ASMTL: variants seen among roughly 807,000 people sequenced by gnomAD.
ASMTL encodes acetylserotonin O-methyltransferase like.
In ASMTL, 57 loss-of-function variants were observed where a neutral mutation model predicts 60.3. The ratio of observed to expected loss-of-function variants is 0.95; its 90% CI spans 0.76 to 1.18. The LOEUF (loss-of-function observed/expected upper bound fraction) is 1.18, where lower values mean the gene tolerates loss of function less well. Ranked by LOEUF, ASMTL falls within the 50% of genes most tolerant of loss-of-function variation. The probability of loss-of-function intolerance (pLI) is 0.00; values close to 1 mark genes in which losing one functional copy is unlikely to be tolerated. For missense variants in ASMTL, 981 were observed against 852.6 expected, an observed-to-expected ratio of 1.15 and a Z score of -1.88; for synonymous variants, 419 against 373.0, an observed-to-expected ratio of 1.12 and a Z score of -1.42.
intron 6 of ASMTL, 166 bp downstream of exon 6, chrX:1,432,103 T>C (rs767346912): frequency 3.2e-6 from 2 of 625,860 alleles, no homozygotes; most frequent in Non-Finnish European, 5.7e-6. Flanking sequence ...TGGGTCAGTG[T>C]GGTCGTGAAG....
chrX:1,421,914 T>C, intron 8 of ASMTL, 72 bp from the exon 9 acceptor site: 2 of 1,413,662 alleles, frequency 1.4e-6, no homozygotes, highest in Non-Finnish European at 2.0e-6. Flanking sequence ...AGGGGATGTA[T>C]CATTGAGATG....
chrX:1,435,731 G>A lies in ASMTL; in HGVS notation c.301C>T (p.Pro101Ser). The change falls in exon 4 of 13, where the codon CCG becomes TCG. Residue 101 changes from proline (P) to serine (S), a missense_variant. Coordinates refer to ENST00000381317, the MANE Select transcript of ASMTL (RefSeq NM_004192.4). ...VTVGGLILEKPVDKQDAYRML... is the reference protein window; with the variant it reads ...VTVGGLILEKSVDKQDAYRML... ...CTGTAGGCGTCCTGCTTGTCCACCG[G>A]CTTCTCCAGAATCAGCCCCCCGACT... 1 of 1,613,556 alleles carries A rather than the reference G, an allele frequency of 6.2e-7. No individual in the cohort carries two copies. The highest frequency in any genetic ancestry group is 8.5e-7 in the Non-Finnish European group (1 of 1,179,788).
chrX:1,416,845 G>GCA (rs1204272663), intron 11 of ASMTL, among the ~76,000 whole-genome samples: 12 of 144,854 alleles, frequency 8.3e-5, no homozygotes, highest in Non-Finnish European at 1.7e-4. Flanking sequence ...ACACAGACAT[G>GCA]CACACACAGA....
chrX:1,452,857 GCCGGGCGT>G lies in ASMTL; in HGVS notation c.-25_-18del. 2 of 1,547,862 alleles carry G rather than the reference GCCGGGCGT, an allele frequency of 1.3e-6. No individual in the cohort carries two copies. Among genetic ancestry groups the G allele is most frequent in the Non-Finnish European group, 1.7e-6 (2 of 1,154,988 alleles). ...CAGCACCATGGCGTCCACGCCGGGAGCCGGGCGTCCGCACTTCTGAGCCCGGAGCCCGC... is the reference window on the plus strand; with the variant it reads ...CAGCACCATGGCGTCCACGCCGGGAGCCGCACTTCTGAGCCCGGAGCCCGC... On this transcript the variant is annotated 5_prime_UTR_variant, in exon 1 of 13. Coordinates refer to ENST00000381317, the MANE Select transcript of ASMTL (RefSeq NM_004192.4).
At chrX:1,447,339 C>A (rs1220934235) in intron 1 of ASMTL, among the ~76,000 whole-genome samples, 14 of 152,126 alleles carry the variant, frequency 9.2e-5, no homozygotes, top group Non-Finnish European at 1.9e-4. Flanking sequence ...GGATAAGCAC[C>A]ACCATCTTGG....
In ASMTL at chrX:1,442,037, A is replaced by C. The variant is rs1177459363; in HGVS notation, c.225+149T>G. Reference sequence around the variant, plus strand: ...TATTATTAGGTTACTGCAATAGTGCATTACATTATAACATAGCAATAGCTA... The same window carrying C: ...TATTATTAGGTTACTGCAATAGTGCCTTACATTATAACATAGCAATAGCTA... On this transcript the variant is annotated intron_variant, in intron 2 of 12. Coordinates refer to ENST00000381317, the MANE Select transcript of ASMTL (RefSeq NM_004192.4). 5.1e-5 allele frequency: 43 copies of C among 837,772 alleles called. No individual in the cohort carries two copies. The East Asian group carries it at 8.3e-4, about 16-fold the overall frequency. The allele number at this position is 837,772 out of a possible 1,614,324, so 51.9% of individuals were successfully genotyped here. A position where few individuals can be genotyped will look rare whatever the true frequency, so the allele number is the denominator to read the frequency against.
rs757264424 is a variant in ASMTL, at chrX:1,414,227, G to C, written c.1523-1373C>G. Reference sequence around the variant, plus strand: ...GAGAGGCAGGAAGGATCCTCCCCTAGAGCCTCCAGAGGGAGCACAGCCCTG... The same window carrying C: ...GAGAGGCAGGAAGGATCCTCCCCTACAGCCTCCAGAGGGAGCACAGCCCTG... On this transcript the variant is annotated intron_variant, in intron 11 of 12. Transcript: ENST00000381317. 2.5e-3 allele frequency among the ~76,000 whole-genome samples: 377 copies of C among 152,270 alleles called. 2 individuals are homozygous for C. The highest frequency in any genetic ancestry group is 8.0e-3 in the African/African-American group (334 of 41,544).
chrX:1,403,853 GTA>G (rs1470419168), intron 12 of ASMTL, among the ~76,000 whole-genome samples: 1 of 152,128 alleles, frequency 6.6e-6, no homozygotes, highest in African/African-American at 2.4e-5. Flanking sequence ...TGAACAGATG[GTA>G]AGTGATGGGG....
At chrX:1,433,387 C>G (rs1229614313) in intron 5 of ASMTL, among the ~76,000 whole-genome samples, 1 of 146,386 alleles carries the variant, frequency 6.8e-6, no homozygotes, top group Non-Finnish European at 1.5e-5. Flanking sequence ...CAGAAGGGAC[C>G]GCGCGCGGTG....
intron 12 of ASMTL, among the ~76,000 whole-genome samples, chrX:1,411,125 G>A (rs760881084): frequency 9.9e-5 from 15 of 151,958 alleles, no homozygotes; most frequent in Non-Finnish European, 1.8e-4. Flanking sequence ...TGGAGGTTAC[G>A]GAGAGCCAAG....
chrX:1,419,507 C>T (rs1399979975), intron 9 of ASMTL, among the ~76,000 whole-genome samples: 1 of 152,106 alleles, frequency 6.6e-6, no homozygotes, highest in African/African-American at 2.4e-5. Flanking sequence ...CCCGGCTCAG[C>T]CTTCACCACA....
At chrX:1,428,669 AATT>A in intron 6 of ASMTL, among the ~76,000 whole-genome samples, 1 of 150,394 alleles carries the variant, frequency 6.6e-6, no homozygotes, top group Non-Finnish European at 1.5e-5. Flanking sequence ...AAATAAATAA[AATT>A]TCATGTGTTA....
chrX:1,415,004 G>T (rs1414269603), intron 11 of ASMTL, among the ~76,000 whole-genome samples: 1 of 151,882 alleles, frequency 6.6e-6, no homozygotes, highest in Non-Finnish European at 1.5e-5. Context: ...GCAGTGGCGC[G>T]ATCTCGGCTC....
At chrX:1,405,655 A>G (rs1163812584) in intron 12 of ASMTL, among the ~76,000 whole-genome samples, 1 of 150,228 alleles carries the variant, frequency 6.7e-6, no homozygotes, top group Non-Finnish European at 1.5e-5. Flanking sequence ...CATGGATGAG[A>G]TGGATGGATG....
intron 2 of ASMTL, among the ~76,000 whole-genome samples, chrX:1,440,077 ATTTC>A (rs200154057): frequency 0.11 from 15,450 of 146,522 alleles, 767 homozygotes; most frequent in African/African-American, 0.14. Flanking sequence ...CCTCTAATGT[ATTTC>A]TTTCTTTCTT....
chrX:1,441,203 A>G (rs1301847850), intron 2 of ASMTL, among the ~76,000 whole-genome samples: 2 of 152,204 alleles, frequency 1.3e-5, no homozygotes, highest in African/African-American at 2.4e-5. Context: ...ATTATAACAC[A>G]TAGTAATAGA....
intron 9 of ASMTL, among the ~76,000 whole-genome samples, chrX:1,419,326 G>A (rs1166865775): frequency 6.6e-6 from 1 of 152,154 alleles, no homozygotes; most frequent in African/African-American, 2.4e-5. Flanking sequence ...CCCCAAAGTG[G>A]TGGACGATCT....
intron 8 of ASMTL, among the ~76,000 whole-genome samples, chrX:1,424,914 C>A (rs111162417): frequency 0.022 from 3,102 of 143,368 alleles, 123 homozygotes; most frequent in African/African-American, 0.075. Flanking sequence ...ACCTTCCCAT[C>A]CATGTATCTA....
intron 1 of ASMTL, among the ~76,000 whole-genome samples, chrX:1,452,492 C>G (rs1226762790): frequency 2.0e-5 from 3 of 149,580 alleles, no homozygotes; most frequent in Non-Finnish European, 4.5e-5. Context: ...TCCCCCATCC[C>G]TATGGGGACC....
Sources: allele counts gnomAD v4.1 joint callset (sites outside exome capture counted in the v4.1 genomes callset), GRCh38; gene constraint gnomAD v4.1.1; transcripts MANE v1.5; gene names NCBI Gene and HGNC (gene_info 2026-07-23, HGNC 2026-07-21).